MICAL3: variants seen among roughly 807,000 people sequenced by gnomAD.
MICAL3 encodes the protein microtubule associated monooxygenase, calponin and LIM domain containing 3.
In MICAL3, 62 loss-of-function variants were observed where a neutral mutation model predicts 207.4. The ratio of observed to expected loss-of-function variants is 0.30; its 90% CI spans 0.24 to 0.37. The LOEUF is 0.37. Ranked by LOEUF, MICAL3 falls within the 10% of genes least tolerant of loss-of-function variation. The pLI, the probability that MICAL3 is intolerant of heterozygous loss-of-function variation, is 1.00. For missense variants in MICAL3, 2,368 were observed against 2,635.6 expected (o/e 0.90, Z 2.22); for synonymous variants, 1,077 against 1,069.3 (o/e 1.01, Z -0.14).
intron 19 of MICAL3, among the ~76,000 whole-genome samples, chr22:17,845,018 G>A (rs1924484877): frequency 6.6e-6 from 1 of 152,162 alleles, no homozygotes; most frequent in Admixed American, 6.5e-5. Context: ...ACAGGGGAGG[G>A]CTGAGGATAC....
chr22:17,833,558 C>A (rs1318066972), intron 20 of MICAL3, among the ~76,000 whole-genome samples: 1 of 152,224 alleles, frequency 6.6e-6, no homozygotes, highest in Non-Finnish European at 1.5e-5. Context: ...TGAAGAATCT[C>A]GCCTTGTCCA....
chr22:17,920,248 G>GCTGTAC, intron 1 of MICAL3, among the ~76,000 whole-genome samples: 1 of 152,352 alleles, frequency 6.6e-6, no homozygotes, highest in South Asian at 2.1e-4. Context: ...GACTGATGTG[G>GCTGTAC]CTGTACCTGC....
At position 17,858,558 on chromosome 22, in the gene MICAL3, C is replaced by T. The variant is rs185918647; in HGVS notation, c.2605+6341G>A. ...AGCACTTGTGGGACCGGGTCCTATA[C>T]GGCATCATCCTGCCCTATTTTTTAG... On this transcript the variant is annotated intron_variant, in intron 19 of 31. Transcript: ENST00000441493. 95 of 644,872 alleles carry T rather than the reference C, an allele frequency of 1.5e-4. No individual in the cohort carries two copies. The African/African-American group carries it at 1.7e-3, about 11-fold the overall frequency. 39.9% of individuals were successfully genotyped at this position (644,872 alleles called of 1,614,324 possible).
At chr22:17,809,629 CAAACA>C (rs139352318) in intron 28 of MICAL3, among the ~76,000 whole-genome samples, 37 of 151,746 alleles carry the variant, frequency 2.4e-4, no homozygotes, top group African/African-American at 6.3e-4. Context: ...GACTCCGTCT[CAAACA>C]AAACAAAACA....
At position 17,896,582 on chromosome 22, in the gene MICAL3, T is replaced by C. The variant is rs553080681; in HGVS notation, c.1206+142A>G. On this transcript the variant is annotated intron_variant, in intron 8 of 31. Transcript: ENST00000441493. ...GGCTCCCAGTGGCCTGTAGCCCTCCTCTACTTCCTGGTGTGACTCCTGCAG... is the reference window on the plus strand; with the variant it reads ...GGCTCCCAGTGGCCTGTAGCCCTCCCCTACTTCCTGGTGTGACTCCTGCAG... 80 of 915,424 alleles carry C rather than the reference T, an allele frequency of 8.7e-5. 1 individual carries two copies. The African/African-American group carries it at 1.2e-3, about 14-fold the overall frequency. The allele number at this position is 915,424 out of a possible 1,614,324, so 56.7% of individuals were successfully genotyped here. A position where few individuals can be genotyped will look rare whatever the true frequency, so the allele number is the denominator to read the frequency against.
chr22:17,919,808 C>T (rs970210742), intron 1 of MICAL3, among the ~76,000 whole-genome samples: 16 of 152,246 alleles, frequency 1.1e-4, no homozygotes, highest in African/African-American at 3.9e-4. Flanking sequence ...GAGAGCCTGT[C>T]AGGAGCCAGG....
chr22:17,995,491 ATTTTTT>A (rs138357470), intron 1 of MICAL3, among the ~76,000 whole-genome samples: 23 of 77,626 alleles, frequency 3.0e-4, no homozygotes, highest in East Asian at 1.2e-3. Context: ...CTTTTCTTTA[ATTTTTT>A]TTTTTTTTTT....
At chr22:17,797,800 C>G (rs1326099631) in intron 29 of MICAL3, among the ~76,000 whole-genome samples, 1 of 152,254 alleles carries the variant, frequency 6.6e-6, no homozygotes, top group East Asian at 1.9e-4. Context: ...CCAACGCTAA[C>G]CACGTGGCAG....
At chr22:17,929,250 C>T (rs2146313755) in intron 1 of MICAL3, among the ~76,000 whole-genome samples, 2 of 148,016 alleles carry the variant, frequency 1.4e-5, no homozygotes, top group South Asian at 4.3e-4. Flanking sequence ...AGATGTGCAC[C>T]ACCACGCCTG....
chr22:17,962,402 C>T (rs985546091), intron 1 of MICAL3, among the ~76,000 whole-genome samples: 3 of 152,160 alleles, frequency 2.0e-5, no homozygotes, highest in Non-Finnish European at 2.9e-5. Flanking sequence ...AGAGAAGCAG[C>T]GCTGCACAGG....
chr22:17,994,802 C>T (rs1406579857), intron 1 of MICAL3, among the ~76,000 whole-genome samples: 1 of 152,026 alleles, frequency 6.6e-6, no homozygotes, highest in Non-Finnish European at 1.5e-5. Flanking sequence ...TTCGCCTTTA[C>T]ACAGGAAAAG....
intron 10 of MICAL3, among the ~76,000 whole-genome samples, chr22:17,894,796 C>CAAA (rs549154429): frequency 0.076 from 5,907 of 78,120 alleles, 191 homozygotes; most frequent in South Asian, 0.17. Context: ...GATTCCATCT[C>CAAA]AAAAAAAAAA....
chr22:17,849,297 T>C (rs1924980179), intron 19 of MICAL3, among the ~76,000 whole-genome samples: 1 of 152,214 alleles, frequency 6.6e-6, no homozygotes. Context: ...GAGCTAAGGA[T>C]AACCCTAGTC....
chr22:18,024,034 G>T (rs1486341004), intron 1 of MICAL3, among the ~76,000 whole-genome samples: 4 of 152,202 alleles, frequency 2.6e-5, no homozygotes, highest in African/African-American at 4.8e-5. Context: ...TGTGTGGTAC[G>T]TGGCATCCGC....
rs2146219912 is a variant in MICAL3, at chr22:17,886,604, A to G, written c.2068-553T>C. Among the ~76,000 whole-genome samples, 3 of 152,290 alleles carry G rather than the reference A, an allele frequency of 2.0e-5. No homozygotes were observed. The East Asian group carries it at 5.8e-4, about 29-fold the overall frequency. Reference sequence around the variant, plus strand: ...CGGATCACTTGAGGTCAGGAGTTCGAGACCAGCCTGGCCAGCATGGTGAAA... The same window carrying G: ...CGGATCACTTGAGGTCAGGAGTTCGGGACCAGCCTGGCCAGCATGGTGAAA... On this transcript the variant is annotated intron_variant, in intron 15 of 31. Transcript: ENST00000441493.
At chr22:17,971,795 G>T (rs546465233) in intron 1 of MICAL3, among the ~76,000 whole-genome samples, 2 of 152,368 alleles carry the variant, frequency 1.3e-5, no homozygotes, top group East Asian at 3.9e-4. Flanking sequence ...CCTTCAGGTG[G>T]TAATGAAGAG....
chr22:17,955,250 T>C (rs1044548145), intron 1 of MICAL3, among the ~76,000 whole-genome samples: 1 of 152,118 alleles, frequency 6.6e-6, no homozygotes, highest in African/African-American at 2.4e-5. Flanking sequence ...TGGTTTAGGG[T>C]AGAAGAGGAA....
At chr22:17,803,876 C>T (rs952713652) in intron 29 of MICAL3, 5 of 984,018 alleles carry the variant, frequency 5.1e-6, no homozygotes, top group African/African-American at 1.7e-5. Flanking sequence ...AACAAGGAAT[C>T]GGTGAAGAGA....
intron 19 of MICAL3, among the ~76,000 whole-genome samples, chr22:17,859,868 G>C (rs1176626622): frequency 6.6e-6 from 1 of 152,214 alleles, no homozygotes; most frequent in Non-Finnish European, 1.5e-5. Flanking sequence ...CTGCACCTGA[G>C]GCCCATGGGC....
Sources: gnomAD v4.1 joint callset for allele counts (sites outside exome capture counted in the v4.1 genomes callset) on GRCh38, gnomAD v4.1.1 for gene constraint, MANE v1.5 for transcripts, NCBI Gene and HGNC (gene_info 2026-07-23, HGNC 2026-07-21) for gene names.